The following ABCG5 variants were observed in gnomAD, a reference collection of about 807,000 sequenced individuals.
ABCG5 encodes the protein ATP-binding cassette sub-family G member 5.
In ABCG5, 64 loss-of-function variants were observed where a neutral mutation model predicts 64.5. The observed-to-expected ratio is 0.99, with a 90% CI of 0.81 to 1.22. The LOEUF is 1.22. ABCG5 is among the 50% of genes most tolerant of loss of function. The pLI is 0.00. For missense variants in ABCG5, 908 were observed against 829.5 expected (o/e 1.09, Z -1.16); for synonymous variants, 385 against 326.3 (o/e 1.18, Z -1.94).
chr2:43,834,531 A>G (rs761630258), intron 2 of ABCG5, among the ~76,000 whole-genome samples: 1 of 152,174 alleles, frequency 6.6e-6, no homozygotes, highest in African/African-American at 2.4e-5. Context: ...TAATGAATTT[A>G]GTTTTTTAAA....
rs1464282710 is a variant in ABCG5, at chr2:43,824,334, A to G, written c.1003T>C (p.Cys335Arg). Residue 335 changes from cysteine (C) to arginine (R), a missense_variant, in exon 8 of 13, where the codon TGT (cysteine) becomes CGT (arginine). Transcript: ENST00000405322. ...TCAATATTCTTCAAAGTTTTATGAC[A>G]AATTGCTGATTTCTTGTAGGCAGAT... ...IESAYKKSAI[C>R]HKTLKNIERM... 6.2e-7 allele frequency: 1 copy of G among 1,614,172 alleles called. No individual in the cohort carries two copies. The highest frequency in any genetic ancestry group is 2.2e-5 in the East Asian group (1 of 44,888).
chr2:43,826,350 T>C, intron 6 of ABCG5, 32 bp downstream of exon 6: 1 of 1,613,268 alleles, frequency 6.2e-7, no homozygotes, highest in Non-Finnish European at 8.5e-7. Context: ...CAACACACCA[T>C]AGACCCGGCC....
At chr2:43,819,452 CTCTTTGGAGCAG>C (rs1275631242) in intron 11 of ABCG5, among the ~76,000 whole-genome samples, 1 of 150,226 alleles carries the variant, frequency 6.7e-6, no homozygotes, top group Non-Finnish European at 1.5e-5. Flanking sequence ...AGCCTTGATA[CTCTTTGGAGCAG>C]TCTTTTATCC....
intron 2 of ABCG5, among the ~76,000 whole-genome samples, chr2:43,833,540 G>A (rs904608652): frequency 7.9e-5 from 12 of 151,062 alleles, no homozygotes; most frequent in African/African-American, 2.9e-4. Flanking sequence ...CGGCCACCAT[G>A]CCCAACTAAT....
rs1380921857 is a variant in ABCG5 at position 43,814,601 on chromosome 2, G to T, written c.1650-12C>A. On this transcript the variant is annotated splice_polypyrimidine_tract_variant and intron_variant, in intron 11 of 12. Coordinates refer to ENST00000405322, the MANE Select transcript of ABCG5 (RefSeq NM_022436.3). ...TTTCTTGTATGTTTCTTAAGAAAAAGAAAACAAAAATGAAATTCAGTAGGC... is the reference window on the plus strand; with the variant it reads ...TTTCTTGTATGTTTCTTAAGAAAAATAAAACAAAAATGAAATTCAGTAGGC... 1 of 1,523,508 alleles carries T rather than the reference G, an allele frequency of 6.6e-7. No individual in the cohort carries two copies. Among genetic ancestry groups the T allele is most frequent in the Non-Finnish European group, 9.1e-7 (1 of 1,099,390 alleles). 94.4% of individuals were successfully genotyped at this position (1,523,508 alleles called of 1,614,324 possible).
chr2:43,832,640 G>A (rs565833751), intron 2 of ABCG5: 1 of 163,678 alleles, frequency 6.1e-6, no homozygotes, highest in Non-Finnish European at 1.3e-5. Context: ...TGCTTCAGTC[G>A]AGTTTGAGAA....
chr2:43,827,919 A>T, intron 5 of ABCG5, 64 bp downstream of exon 5: 1 of 1,606,934 alleles, frequency 6.2e-7, no homozygotes, highest in Non-Finnish European at 8.5e-7. Context: ...AAGGGCCCAA[A>T]GTATCTGCAC....
chr2:43,813,803 A>G (rs1183643315), intron 12 of ABCG5, among the ~76,000 whole-genome samples: 2 of 135,736 alleles, frequency 1.5e-5, no homozygotes, highest in Non-Finnish European at 3.0e-5. Context: ...CTGCAACCTC[A>G]GCCTCCCAGA....
chr2:43,809,067 C>T (rs1386818989), downstream of ABCG5, among the ~76,000 whole-genome samples: 1 of 152,044 alleles, frequency 6.6e-6, no homozygotes, highest in Non-Finnish European at 1.5e-5. Flanking sequence ...CAGTTTACTG[C>T]AGCCTTGGCC....
chr2:43,830,491 G>T (rs563108954), intron 4 of ABCG5, among the ~76,000 whole-genome samples: 5 of 152,244 alleles, frequency 3.3e-5, no homozygotes, highest in African/African-American at 1.2e-4. Context: ...CAACAGCCCC[G>T]CAGACATAGC....
chr2:43,823,860 G>A (rs2104812662), intron 9 of ABCG5, 53 bp downstream of exon 9: 1 of 1,588,686 alleles, frequency 6.3e-7, no homozygotes, highest in Non-Finnish European at 8.6e-7. Flanking sequence ...TACAGCTGGA[G>A]AAGGGAGGTA....
At chr2:43,811,031 T>G (rs2104733245), downstream of ABCG5, among the ~76,000 whole-genome samples, 1 of 152,362 alleles carries the variant, frequency 6.6e-6, no homozygotes, top group Middle Eastern at 3.4e-3. Flanking sequence ...TCACGTGTGA[T>G]GTCAGTTTTC....
In ABCG5 at chr2:43,823,901, G is replaced by T; in HGVS notation, c.1324+12C>A. On this transcript the variant is annotated intron_variant, in intron 9 of 12. Coordinates refer to ENST00000405322, the MANE Select transcript of ABCG5 (RefSeq NM_022436.3). ...GGAGAAAGAGGTGCACCTCCAGCACGTGGGCACTTACACAGATTCACAGCG... is the reference window on the plus strand; with the variant it reads ...GGAGAAAGAGGTGCACCTCCAGCACTTGGGCACTTACACAGATTCACAGCG... 6.2e-7 allele frequency: 1 copy of T among 1,613,042 alleles called. No homozygotes were observed. The highest frequency in any genetic ancestry group is 8.5e-7 in the Non-Finnish European group (1 of 1,179,180).
Position 43,824,330 on chromosome 2 carries a change from T to C in ABCG5, c.1007A>G (p.His336Arg). 1 of 1,614,222 alleles carries C rather than the reference T, an allele frequency of 6.2e-7. No homozygotes were observed. Among genetic ancestry groups the C allele is most frequent in the Non-Finnish European group, 8.5e-7 (1 of 1,180,046 alleles). ...ESAYKKSAIC[H>R]KTLKNIERMK... ...TCTTTCAATATTCTTCAAAGTTTTA[T>C]GACAAATTGCTGATTTCTTGTAGGC... is the stretch of plus-strand genomic sequence containing the variant. The change falls in exon 8 of 13, where the codon CAT (histidine) becomes CGT (arginine). Residue 336 changes from histidine (H) to arginine (R), a missense_variant. His to Arg is a conservative substitution (Grantham distance 29). Transcript: ENST00000405322.
intron 2 of ABCG5, among the ~76,000 whole-genome samples, chr2:43,836,049 G>T (rs1668243095): frequency 6.6e-6 from 1 of 151,906 alleles, no homozygotes; most frequent in Non-Finnish European, 1.5e-5. Context: ...GGATTCTCCT[G>T]CCTCAGCCTC....
At chr2:43,808,607 A>G (rs1052675170), downstream of ABCG5, among the ~76,000 whole-genome samples, 2 of 152,198 alleles carry the variant, frequency 1.3e-5, no homozygotes, top group African/African-American at 4.8e-5. Flanking sequence ...AGCCACCTCC[A>G]CTAAAATTTA....
chr2:43,823,508 T>C (rs1302246843), intron 9 of ABCG5, among the ~76,000 whole-genome samples: 3 of 152,202 alleles, frequency 2.0e-5, no homozygotes, highest in Non-Finnish European at 4.4e-5. Context: ...GGAATTCCAC[T>C]GAATTTGAAA....
intron 11 of ABCG5, among the ~76,000 whole-genome samples, chr2:43,818,154 C>A (rs1666963654): frequency 6.6e-6 from 1 of 152,010 alleles, no homozygotes; most frequent in Admixed American, 6.5e-5. Context: ...TATGGCTACT[C>A]AAAATACAGT....
At position 43,838,330 on chromosome 2, in the gene ABCG5, C is replaced by A; in HGVS notation, c.143+207G>T. 1 of 621,502 alleles carries A rather than the reference C, an allele frequency of 1.6e-6. No individual in the cohort carries two copies. The highest frequency in any genetic ancestry group is 2.8e-6 in the Non-Finnish European group (1 of 357,118). The allele number at this position is 621,502 out of a possible 1,614,324, so 38.5% of individuals were successfully genotyped here. A position where few individuals can be genotyped will look rare whatever the true frequency, so the allele number is the denominator to read the frequency against. ...GCTGCCACTTTGTTTATGCCCAGGC[C>A]CTTCCCTGGGCAGGGGGAGGGGCCA... On this transcript the variant is annotated intron_variant, in intron 1 of 12. Coordinates refer to ENST00000405322, the MANE Select transcript of ABCG5 (RefSeq NM_022436.3). This position sits in a 1 kb window ranked among gnomAD's most constrained non-coding sequence, Gnocchi z 4.2.
Sources: allele counts gnomAD v4.1 joint callset (sites outside exome capture counted in the v4.1 genomes callset), GRCh38; gene constraint gnomAD v4.1.1; non-coding constraint Gnocchi (gnomAD v3.1); transcripts MANE v1.5; gene names NCBI Gene and HGNC (gene_info 2026-07-23, HGNC 2026-07-21).